Variants in CHN2 observed in about 807,000 individuals in gnomAD.
CHN2 encodes the protein chimerin 2.
CHN2 carries 35 observed loss-of-function variants against 56.3 expected under a neutral mutation model. The observed-to-expected ratio is 0.62, with a 90% CI of 0.47 to 0.82. The LOEUF (loss-of-function observed/expected upper bound fraction) is 0.82. CHN2 is among the 40% of genes least tolerant of loss of function. CHN2 has a pLI of 0.00. For synonymous variants in CHN2, 210 were observed against 212.8 expected (o/e 0.99, Z 0.12); for missense variants, 491 against 580.5 (o/e 0.85, Z 1.58).
chr7:29,369,117 A>G (rs1463586860), intron 3 of CHN2, among the ~76,000 whole-genome samples: 3 of 152,224 alleles, frequency 2.0e-5, no homozygotes, highest in African/African-American at 4.8e-5. Flanking sequence ...AAATAGGTAA[A>G]TATAAATTTT....
At chr7:29,490,323 T>A (rs1029884081) in intron 7 of CHN2, among the ~76,000 whole-genome samples, 1 of 152,130 alleles carries the variant, frequency 6.6e-6, no homozygotes, top group African/African-American at 2.4e-5. Context: ...CAGTTCAATA[T>A]CCCCTTCCGC....
At chr7:29,394,695 G>T (rs942451974) in intron 4 of CHN2, among the ~76,000 whole-genome samples, 1 of 152,146 alleles carries the variant, frequency 6.6e-6, no homozygotes, top group African/African-American at 2.4e-5. Context: ...GTTGTAGTAT[G>T]GCTTTTTTTC....
Position 29,512,881 on chromosome 7 carries a change from T to G in CHN2, c.*146T>G. The stretch of plus-strand genomic sequence containing the variant: ...CAGAGGATCGCTGAGTGGGGTACTG[T>G]GTCTCATAGACATGCGCCACCTCCA... On this transcript the variant is annotated 3_prime_UTR_variant, in exon 13 of 13. Coordinates refer to ENST00000222792, the MANE Select transcript of CHN2 (RefSeq NM_004067.4). 1.2e-6 allele frequency: 1 copy of G among 829,672 alleles called. No homozygotes were observed. Among genetic ancestry groups the G allele is most frequent in the Non-Finnish European group, 1.8e-6 (1 of 544,418 alleles). The allele number at this position is 829,672 out of a possible 1,614,324, so 51.4% of individuals were successfully genotyped here.
intron 6 of CHN2, among the ~76,000 whole-genome samples, chr7:29,436,594 A>C (rs1303926243): frequency 3.3e-5 from 5 of 152,154 alleles, no homozygotes; most frequent in Admixed American, 3.3e-4. Flanking sequence ...TCTGATTCTT[A>C]ATGGCATTTG....
chr7:29,287,926 A>C (rs944557444), intron 1 of CHN2, among the ~76,000 whole-genome samples: 2 of 152,190 alleles, frequency 1.3e-5, no homozygotes, highest in African/African-American at 4.8e-5. Context: ...GGTCTTCAGC[A>C]TGTCTTTAAA....
In CHN2 at chr7:29,374,400, T is replaced by A. The variant is rs182200482; in HGVS notation, c.144+6413T>A. ...AACCAAATGTTTTCTGCTTTTTTTT[T>A]AAAAACAAAAAACTTTCTTTTTTAT... On this transcript the variant is annotated intron_variant, in intron 3 of 12. Coordinates refer to ENST00000222792, the MANE Select transcript of CHN2 (RefSeq NM_004067.4). Among the ~76,000 whole-genome samples the A allele has an allele frequency of 3.1e-3, 465 of 152,198 alleles. 4 individuals are homozygous for A. The highest frequency in any genetic ancestry group is 7.9e-3 in the East Asian group (41 of 5,184).
At chr7:29,419,860 G>C (rs2128104763) in intron 6 of CHN2, among the ~76,000 whole-genome samples, 2 of 152,212 alleles carry the variant, frequency 1.3e-5, no homozygotes, top group Admixed American at 1.3e-4. Flanking sequence ...AGGAGTTCCA[G>C]ACCAGCCTGG....
chr7:29,355,709 T>C (rs1798246576), intron 2 of CHN2, among the ~76,000 whole-genome samples: 1 of 150,302 alleles, frequency 6.7e-6, no homozygotes, highest in Non-Finnish European at 1.5e-5. Context: ...ACCTGCCCTG[T>C]GCTGGCCACC....
chr7:29,474,314 A>G (rs1321112922), intron 6 of CHN2, among the ~76,000 whole-genome samples: 4 of 152,120 alleles, frequency 2.6e-5, no homozygotes, highest in Non-Finnish European at 5.9e-5. Flanking sequence ...GCTTTTTCAC[A>G]TTTCTTGATA....
At chr7:29,417,752 T>A (rs1278805781) in intron 6 of CHN2, among the ~76,000 whole-genome samples, 1 of 151,802 alleles carries the variant, frequency 6.6e-6, no homozygotes, top group East Asian at 1.9e-4. Flanking sequence ...CCACTAGGAG[T>A]GGATACTAAG....
intron 6 of CHN2, among the ~76,000 whole-genome samples, chr7:29,430,828 C>T (rs1585368173): frequency 6.7e-6 from 1 of 150,068 alleles, no homozygotes; most frequent in Admixed American, 6.6e-5. Flanking sequence ...TTCTCCACTT[C>T]TCCATCCCTC....
At chr7:29,184,097 C>T (rs1164345164) in intron 2 of CHN2, among the ~76,000 whole-genome samples, 2 of 151,144 alleles carry the variant, frequency 1.3e-5, no homozygotes, top group Non-Finnish European at 2.9e-5. Flanking sequence ...GGTTCTGGAT[C>T]CAATCTCCCA....
At chr7:29,505,041 C>T (rs1470319110) in intron 10 of CHN2, among the ~76,000 whole-genome samples, 2 of 152,072 alleles carry the variant, frequency 1.3e-5, no homozygotes, top group Non-Finnish European at 2.9e-5. Flanking sequence ...GCAGACAATC[C>T]ACATGGCATT....
chr7:29,489,926 T>C (rs138408516), intron 7 of CHN2, among the ~76,000 whole-genome samples: 6 of 152,308 alleles, frequency 3.9e-5, no homozygotes, highest in African/African-American at 1.2e-4. Flanking sequence ...CTATCCTGTT[T>C]TTCCTGAAAC....
chr7:29,511,697 ACCTAAACACATTTTAATTATATTTT>A (rs148436862), intron 12 of CHN2, among the ~76,000 whole-genome samples: 37,040 of 151,646 alleles, frequency 0.24, 4,760 homozygotes, highest in Non-Finnish European at 0.28. Context: ...TTTATGCACA[ACCTAAACACATTTTAATTATATTTT>A]CCTAAACACA....
At chr7:29,285,638 A>C (rs1424380636) in intron 1 of CHN2, among the ~76,000 whole-genome samples, 1 of 152,228 alleles carries the variant, frequency 6.6e-6, no homozygotes, top group Admixed American at 6.5e-5. Flanking sequence ...TGTGGTTGCT[A>C]GGGTATGTCT....
At chr7:29,180,674 A>G (rs567642029) in intron 2 of CHN2, among the ~76,000 whole-genome samples, 1 of 152,332 alleles carries the variant, frequency 6.6e-6, no homozygotes, top group South Asian at 2.1e-4. Flanking sequence ...TATAATTACT[A>G]TGTAAAGAGT....
chr7:29,350,774 C>A (rs1157560547), intron 1 of CHN2, among the ~76,000 whole-genome samples: 2 of 152,098 alleles, frequency 1.3e-5, no homozygotes, highest in African/African-American at 4.8e-5. Flanking sequence ...TGCTATTGAC[C>A]GGACGTTGTC....
At chr7:29,387,111 C>T (rs751439269) in intron 3 of CHN2, among the ~76,000 whole-genome samples, 1 of 152,140 alleles carries the variant, frequency 6.6e-6, no homozygotes, top group Admixed American at 6.5e-5. Flanking sequence ...TACCTTGGAG[C>T]ATTGTTTAGA....
Sources: allele counts gnomAD v4.1 joint callset (sites outside exome capture counted in the v4.1 genomes callset), GRCh38; gene constraint gnomAD v4.1.1; transcripts MANE v1.5; gene names NCBI Gene and HGNC (gene_info 2026-07-23, HGNC 2026-07-21).